The following MYH11 variants were observed in gnomAD, a reference collection of about 807,000 sequenced individuals.
The protein encoded by MYH11 is myosin heavy chain 11.
A neutral mutation model predicts 246.6 loss-of-function variants in MYH11; 80 were observed. That is an observed-to-expected ratio of 0.32 (90% CI 0.27 to 0.39). The LOEUF is 0.39. Among genes scored for constraint, MYH11 ranks in the 10% least tolerant of loss-of-function variants. The probability of loss-of-function intolerance (pLI) is 1.00; values close to 1 mark genes in which losing one functional copy is unlikely to be tolerated. For missense variants in MYH11, 2,158 were observed against 2,546.8 expected (o/e 0.85, Z 3.29); for synonymous variants, 1,071 against 1,015.5 (o/e 1.05, Z -1.04).
At chr16:15,737,382 G>A in intron 25 of MYH11, 67 bp downstream of exon 25, 1 of 1,594,304 alleles carries the variant, frequency 6.3e-7, no homozygotes, top group Non-Finnish European at 8.5e-7. Flanking sequence ...CACTGCGAAT[G>A]AGCGAATGAG....
At chr16:15,816,384 G>C (rs1288588763) in intron 3 of MYH11, among the ~76,000 whole-genome samples, 1 of 151,732 alleles carries the variant, frequency 6.6e-6, no homozygotes, top group Non-Finnish European at 1.5e-5. Context: ...GGGCAGAATT[G>C]GTGGTTAAAT....
rs1174407076 is a variant in MYH11 at position 15,763,804 on chromosome 16, T to C, written c.1121A>G (p.Asp374Gly). 2 of 1,592,638 alleles carry C rather than the reference T, an allele frequency of 1.3e-6. No individual in the cohort carries two copies. The highest frequency in any genetic ancestry group is 2.3e-5 in the East Asian group (1 of 43,534). ...ERNTDQASMP[D>G]NTAAQKVCHL... is the part of the protein sequence containing the mutation. ...GAAAAAGTGGCAAGTACCTGTGTTA[T>C]CTGGCATGGACGCCTGGTCTGTGTT... Residue 374 changes from aspartate to glycine, a missense_variant, in exon 10 of 41, where the codon GAT (aspartate) becomes GGT (glycine). Transcript: ENST00000300036.
chr16:15,727,025 C>A lies in MYH11; in HGVS notation c.3681G>T (p.Gln1227His), dbSNP rs777121788. The A allele has an allele frequency of 2.5e-6, 4 of 1,611,872 alleles. No homozygotes were observed. In the South Asian group the frequency reaches 4.4e-5, roughly 18 times the overall value. The change falls in exon 28 of 41, where the codon CAG (glutamine) becomes CAT (histidine). Residue 1227 changes from glutamine to histidine, a missense_variant. Coordinates refer to ENST00000300036, the MANE Select transcript of MYH11 (RefSeq NM_002474.3). Reference protein sequence around the residue: ...RAKANLDKNKQTLEKENADLA... With the variant: ...RAKANLDKNKHTLEKENADLA... The stretch of plus-strand genomic sequence containing the variant: ...GGTCTGCGTTCTCTTTCTCCAGCGT[C>A]TGCTTATTCTTGTCTAGGTTCGCCT...
rs569925780 is a variant in MYH11 at position 15,823,313 on chromosome 16, G to T, written c.444C>A (p.His148Gln). 6.2e-7 allele frequency: 1 copy of T among 1,614,166 alleles called. No individual in the cohort carries two copies. The highest frequency in any genetic ancestry group is 8.5e-7 in the Non-Finnish European group (1 of 1,180,040). The part of the protein sequence containing the change: ...IVDMYKGKKR[H>Q]EMPPHIYAIA... ...TGGCGTAGATGTGAGGCGGCATCTC[G>T]TGCCTCTTCTTGCCCTTGTACATGT... Residue 148 changes from histidine (H) to glutamine (Q), a missense_variant, in exon 3 of 41, where the codon CAC (histidine) becomes CAA (glutamine). Coordinates refer to ENST00000300036, the MANE Select transcript of MYH11 (RefSeq NM_002474.3).
intron 2 of MYH11, among the ~76,000 whole-genome samples, chr16:15,834,811 C>G (rs954177466): frequency 1.3e-5 from 2 of 151,900 alleles, no homozygotes; most frequent in East Asian, 3.9e-4. Context: ...GGCTCACACC[C>G]GTAATCCCAG....
rs2041228951 is a variant in MYH11 at position 15,740,059 on chromosome 16, G to A, written c.2989C>T (p.Leu997=). 6.2e-7 allele frequency: 1 copy of A among 1,614,006 alleles called. No individual in the cohort carries two copies. Among genetic ancestry groups the A allele is most frequent in the Admixed American group, 1.7e-5 (1 of 59,990 alleles). ...ACCCGGCCCCTACTCACTTTTGATA[G>A]TTTATTGTTCTGATCATCCATGACC... ...ILVMDDQNNK[L]SKERKLLEER... Residue 997 remains leucine (L), a synonymous_variant, in exon 23 of 41, where the codon CTA becomes TTA. Transcript: ENST00000300036.
At chr16:15,734,618 G>T (rs1352956976) in intron 26 of MYH11, among the ~76,000 whole-genome samples, 1 of 152,054 alleles carries the variant, frequency 6.6e-6, no homozygotes, top group Non-Finnish European at 1.5e-5. Context: ...TTTTATGTCT[G>T]CTTTTCTATA....
chr16:15,758,989 A>G (rs2041803361), intron 12 of MYH11, among the ~76,000 whole-genome samples: 1 of 150,042 alleles, frequency 6.7e-6, no homozygotes, highest in African/African-American at 2.5e-5. Context: ...AGACAAGACA[A>G]AAAAAAAACC....
At chr16:15,756,191 A>T in intron 14 of MYH11, 150 bp downstream of exon 14, 1 of 844,204 alleles carries the variant, frequency 1.2e-6, no homozygotes, top group Non-Finnish European at 1.9e-6. Flanking sequence ...TAGACAAATT[A>T]CGAATAGGAC....
chr16:15,828,942 G>C (rs920897668), intron 2 of MYH11, among the ~76,000 whole-genome samples: 1 of 151,700 alleles, frequency 6.6e-6, no homozygotes, highest in African/African-American at 2.4e-5. Flanking sequence ...CCAGCACTTT[G>C]GGAAATCGAG....
At chr16:15,710,631 CAGGAG>C (rs1198236997) in intron 40 of MYH11, among the ~76,000 whole-genome samples, 2 of 151,678 alleles carry the variant, frequency 1.3e-5, no homozygotes, top group East Asian at 3.9e-4. Flanking sequence ...CCCAGCCACT[CAGGAG>C]AGGCAGGGGG....
Position 15,759,651 on chromosome 16 carries a change from T to C in MYH11, c.1326A>G (p.Lys442=), listed in dbSNP as rs1057520330. Residue 442 remains lysine (K), a synonymous_variant, in exon 12 of 41, where the codon AAA becomes AAG. Coordinates refer to ENST00000300036, the MANE Select transcript of MYH11 (RefSeq NM_002474.3). Reference sequence around the variant, plus strand: ...CTTGCCGATGGGTCTTGTCCAGGGCTTTGTTCACGCGGGTGAGTATCCAGC... The same window carrying C: ...CTTGCCGATGGGTCTTGTCCAGGGCCTTGTTCACGCGGGTGAGTATCCAGC... The part of the protein sequence containing the change: ...LFRWILTRVN[K]ALDKTHRQGA... 6 of 1,614,190 alleles carry C rather than the reference T, an allele frequency of 3.7e-6. No individual in the cohort carries two copies. Among genetic ancestry groups the C allele is most frequent in the Non-Finnish European group, 5.1e-6 (6 of 1,180,022 alleles).
intron 31 of MYH11, among the ~76,000 whole-genome samples, chr16:15,723,881 T>C (rs1045413922): frequency 6.6e-6 from 1 of 152,216 alleles, no homozygotes; most frequent in African/African-American, 2.4e-5. Flanking sequence ...CATTCCTTCT[T>C]CAGGCTAGAA....
At chr16:15,845,156 C>T (rs2044153408) in intron 1 of MYH11, among the ~76,000 whole-genome samples, 2 of 152,122 alleles carry the variant, frequency 1.3e-5, no homozygotes, top group Non-Finnish European at 2.9e-5. Context: ...CCCTGCAGAG[C>T]TGCCATGAAG....
chr16:15,801,503 T>A (rs530072944), intron 3 of MYH11, among the ~76,000 whole-genome samples: 41 of 141,572 alleles, frequency 2.9e-4, no homozygotes, highest in African/African-American at 1.1e-3. Flanking sequence ...AAAAAAAAAT[T>A]TTTTTTTAAT....
intron 3 of MYH11, 124 bp from the exon 4 acceptor site, chr16:15,798,811 G>T: frequency 9.5e-7 from 1 of 1,054,196 alleles, no homozygotes; most frequent in African/African-American, 1.6e-5. Flanking sequence ...CATTGGAAGT[G>T]ACAACAGGTC....
At chr16:15,732,266 T>A (rs767933581) in intron 27 of MYH11, among the ~76,000 whole-genome samples, 1 of 151,970 alleles carries the variant, frequency 6.6e-6, no homozygotes, top group African/African-American at 2.4e-5. Flanking sequence ...CCTGGCCTAC[T>A]TTTTTAAAAT....
At chr16:15,745,268 T>G in intron 19 of MYH11, 31 bp from the exon 20 acceptor site, 23 of 1,142,656 alleles carry the variant, frequency 2.0e-5, no homozygotes, top group Non-Finnish European at 2.6e-5. Flanking sequence ...GGTGCGGGGG[T>G]CATGAAGCCA....
intron 2 of MYH11, among the ~76,000 whole-genome samples, chr16:15,831,538 G>A (rs1156332760): frequency 1.3e-5 from 2 of 151,356 alleles, no homozygotes; most frequent in Non-Finnish European, 2.9e-5. Context: ...CTCCAGGGAA[G>A]AGGGCTGCTT....
Sources: allele counts gnomAD v4.1 joint callset (sites outside exome capture counted in the v4.1 genomes callset), GRCh38; gene constraint gnomAD v4.1.1; transcripts MANE v1.5; gene names NCBI Gene and HGNC (gene_info 2026-07-23, HGNC 2026-07-21).